Variants in DISP1 observed in about 807,000 individuals in gnomAD.
DISP1 encodes protein dispatched homolog 1.
In DISP1, 30 loss-of-function variants were observed where a neutral mutation model predicts 37.3. The ratio of observed to expected loss-of-function variants is 0.80; its 90% confidence interval spans 0.60 to 1.09. DISP1 has a LOEUF of 1.09. Ranked by LOEUF, DISP1 falls within the 50% of genes least tolerant of loss-of-function variation. The pLI, the probability that DISP1 is intolerant of heterozygous loss-of-function variation, is 0.00. For synonymous variants in DISP1, 634 were observed against 690.2 expected (o/e 0.92, Z 1.28); for missense variants, 1,598 against 1,879.5 (o/e 0.85, Z 2.77).
chr1:222,976,469 C>T (rs1392632264), intron 3 of DISP1, among the ~76,000 whole-genome samples: 2 of 151,974 alleles, frequency 1.3e-5, no homozygotes, highest in Non-Finnish European at 2.9e-5. Context: ...TGGGTGTTTC[C>T]ATCATCTGTT....
chr1:222,876,058 A>C (rs910096422), intron 1 of DISP1, among the ~76,000 whole-genome samples: 17 of 152,076 alleles, frequency 1.1e-4, no homozygotes, highest in Non-Finnish European at 1.6e-4. Flanking sequence ...ATCAGAGGAC[A>C]AAATGAGGGT....
intron 1 of DISP1, among the ~76,000 whole-genome samples, chr1:222,818,691 T>C (rs1407788639): frequency 6.6e-6 from 1 of 152,210 alleles, no homozygotes; most frequent in African/African-American, 2.4e-5. Context: ...CAGGTTTTGC[T>C]CTTAAGGCCT....
rs769555149 is a variant in DISP1, at chr1:223,005,734, C to T, written c.4337C>T (p.Thr1446Met). 8.1e-6 allele frequency: 13 copies of T among 1,614,014 alleles called. No individual in the cohort carries two copies. Among genetic ancestry groups the T allele is most frequent in the African/African-American group, 2.7e-5 (2 of 74,994 alleles). Residue 1446 changes from threonine (T) to methionine (M), a missense_variant, in exon 9 of 9, where the codon ACG becomes ATG. By Grantham distance (81) the Thr-to-Met change is moderately conservative. Transcript: ENST00000675850. The part of the protein sequence containing the change: ...GGKVELSLSQ[T>M]DASVNSEHFN... Reference sequence around the variant, plus strand: ...AAAGTGGAGCTGAGCTTGTCACAGACGGATGCAAGTGTGAACTCAGAACAT... The same window carrying T: ...AAAGTGGAGCTGAGCTTGTCACAGATGGATGCAAGTGTGAACTCAGAACAT...
intron 1 of DISP1, among the ~76,000 whole-genome samples, chr1:222,910,982 A>G (rs138352733): frequency 6.6e-6 from 1 of 152,166 alleles, no homozygotes; most frequent in African/African-American, 2.4e-5. Flanking sequence ...ATGAGATGGT[A>G]TCCTTTTTAG....
chr1:222,952,215 T>C (rs1258837495), intron 3 of DISP1, among the ~76,000 whole-genome samples: 1 of 152,220 alleles, frequency 6.6e-6, no homozygotes, highest in African/African-American at 2.4e-5. Context: ...ATAAAGCCAG[T>C]AAAATTAAAA....
intron 1 of DISP1, among the ~76,000 whole-genome samples, chr1:222,826,094 A>C (rs1311359893): frequency 2.0e-5 from 3 of 151,914 alleles, no homozygotes; most frequent in Non-Finnish European, 4.4e-5. Context: ...GTAGAGACAG[A>C]GGTCTCGTTT....
intron 1 of DISP1, among the ~76,000 whole-genome samples, chr1:222,851,702 C>T (rs1186965739): frequency 4.6e-5 from 7 of 151,874 alleles, no homozygotes; most frequent in African/African-American, 1.7e-4. Context: ...TTGTGCATTC[C>T]CTAAAAGTTC....
chr1:222,831,507 C>G (rs923317980), intron 1 of DISP1, among the ~76,000 whole-genome samples: 1 of 152,014 alleles, frequency 6.6e-6, no homozygotes, highest in Non-Finnish European at 1.5e-5. Flanking sequence ...CCATAAAGAC[C>G]CTACAGCTTA....
intron 1 of DISP1, among the ~76,000 whole-genome samples, chr1:222,830,456 C>T (rs146432319): frequency 0.089 from 13,566 of 152,078 alleles, 735 homozygotes; most frequent in East Asian, 0.26. Context: ...TCTCGGCTCC[C>T]TGCAATCTCC....
intron 3 of DISP1, among the ~76,000 whole-genome samples, chr1:222,961,092 G>T (rs1676025410): frequency 6.6e-6 from 1 of 152,142 alleles, no homozygotes; most frequent in African/African-American, 2.4e-5. Flanking sequence ...AACAGAAAAA[G>T]AGGGATTCCT....
intron 1 of DISP1, among the ~76,000 whole-genome samples, chr1:222,927,156 G>A (rs1276763632): frequency 1.3e-5 from 2 of 150,838 alleles, no homozygotes; most frequent in South Asian, 4.2e-4. Flanking sequence ...ATTCCCGCTA[G>A]CAGTGTTTAA....
intron 1 of DISP1, among the ~76,000 whole-genome samples, chr1:222,928,133 A>G (rs1367803238): frequency 6.6e-6 from 1 of 152,242 alleles, no homozygotes; most frequent in African/African-American, 2.4e-5. Flanking sequence ...GCTTTAATCT[A>G]CTAAGTAACT....
chr1:222,978,614 G>A (rs1465055621), intron 3 of DISP1, among the ~76,000 whole-genome samples: 1 of 152,120 alleles, frequency 6.6e-6, no homozygotes, highest in African/African-American at 2.4e-5. Context: ...GTCCTGAATG[G>A]TATTGCCTAG....
intron 3 of DISP1, among the ~76,000 whole-genome samples, chr1:222,982,224 T>C (rs1677886293): frequency 6.6e-6 from 1 of 152,224 alleles, no homozygotes; most frequent in Non-Finnish European, 1.5e-5. Flanking sequence ...GCCATTTGGT[T>C]GAAATATATG....
rs755222820 is a variant in DISP1 at position 223,005,088 on chromosome 1, G to A, written c.3691G>A (p.Val1231Met). 8.7e-6 allele frequency: 14 copies of A among 1,614,196 alleles called. No individual in the cohort carries two copies. The highest frequency in any genetic ancestry group is 1.2e-5 in the Non-Finnish European group (14 of 1,180,042). Residue 1231 changes from valine to methionine, a missense_variant, in exon 9 of 9, where the codon GTG becomes ATG. Transcript: ENST00000675850. The stretch of plus-strand genomic sequence containing the variant: ...CCAAGCAAAGAATTTAGGGATGCCT[G>A]TGCATGCAGCTTACAACAGTGAACT... ...NSQAKNLGMP[V>M]HAAYNSELSK...
At chr1:222,947,755 AT>A (rs1222100910) in intron 3 of DISP1, among the ~76,000 whole-genome samples, 2 of 152,056 alleles carry the variant, frequency 1.3e-5, no homozygotes, top group East Asian at 3.9e-4. Context: ...TTGATGTGAG[AT>A]TATAAATTTT....
chr1:222,955,598 C>T (rs1381278842), intron 3 of DISP1, among the ~76,000 whole-genome samples: 7 of 152,106 alleles, frequency 4.6e-5, no homozygotes, highest in Admixed American at 3.3e-4. Flanking sequence ...CTTTCAGTAC[C>T]GTATTTAATA....
At chr1:222,936,924 TAA>T (rs1188176975) in intron 2 of DISP1, among the ~76,000 whole-genome samples, 1 of 70,184 alleles carries the variant, frequency 1.4e-5, no homozygotes, top group Non-Finnish European at 2.8e-5. Flanking sequence ...ATATATTATA[TAA>T]TATGTAATAT....
chr1:222,848,491 G>A (rs558763129), intron 1 of DISP1, among the ~76,000 whole-genome samples: 25 of 152,238 alleles, frequency 1.6e-4, no homozygotes, highest in African/African-American at 4.8e-4. Context: ...TATACTTTGT[G>A]TATGGAATGG....
Sources: gnomAD v4.1 joint callset for allele counts (sites outside exome capture counted in the v4.1 genomes callset) on GRCh38, gnomAD v4.1.1 for gene constraint, MANE v1.5 for transcripts, NCBI Gene and HGNC (gene_info 2026-07-23, HGNC 2026-07-21) for gene names.